The following CNOT1 variants were observed in gnomAD, a reference collection of about 807,000 sequenced individuals.
CNOT1 encodes CCR4-associated factor 1.
In CNOT1, 15 loss-of-function variants were observed where a neutral mutation model predicts 273.8. That is an observed-to-expected ratio of 0.05 (90% CI 0.04 to 0.08). The LOEUF is 0.08. CNOT1 is among the 10% of genes least tolerant of loss of function. CNOT1 has a pLI of 1.00. For missense variants in CNOT1, 1,644 were observed against 2,912.2 expected, an observed-to-expected ratio of 0.56 and a Z score of 10.02; for synonymous variants, 1,022 against 1,005.5, an observed-to-expected ratio of 1.02 and a Z score of -0.31.
At chr16:58,568,536 T>C (rs933744949) in intron 16 of CNOT1, among the ~76,000 whole-genome samples, 1 of 151,196 alleles carries the variant, frequency 6.6e-6, no homozygotes, top group African/African-American at 2.4e-5. Flanking sequence ...ATACAAAAAT[T>C]AGCCAGGCGT....
At chr16:58,603,408 A>AGTGTGTGTGTGTGTGT (rs200088613) in intron 1 of CNOT1, among the ~76,000 whole-genome samples, 6 of 96,650 alleles carry the variant, frequency 6.2e-5, no homozygotes, top group East Asian at 2.6e-4. Flanking sequence ...ACAATTTAAA[A>AGTGTGTGTGTGTGTGT]GTGTGTGTGT....
At position 58,551,146 on chromosome 16, in the gene CNOT1, T is replaced by G; in HGVS notation, c.3328A>C (p.Asn1110His). The G allele has an allele frequency of 6.2e-7, 1 of 1,607,062 alleles. No individual in the cohort carries two copies. Among genetic ancestry groups the G allele is most frequent in the Non-Finnish European group, 8.5e-7 (1 of 1,178,412 alleles). The change falls in exon 24 of 49, where the codon AAT becomes CAT. Residue 1110 changes from asparagine (N) to histidine (H), a missense_variant. Physicochemically the swap from Asn to His is moderately conservative, Grantham distance 68. This residue lies in a region of CNOT1 where 124 missense variants were observed against 289.3 expected (regional missense o/e 0.43). Transcript: ENST00000317147. ...AFIFNNLSQS[N>H]MTQKVEELKE... ...AGCATGCTCACCTTTTGTGTCATATTTGACTGTGAGAGATTATTGAAAATA... is the reference window on the plus strand; with the variant it reads ...AGCATGCTCACCTTTTGTGTCATATGTGACTGTGAGAGATTATTGAAAATA...
chr16:58,532,408 C>T lies in CNOT1; in HGVS notation c.5896-13G>A. The T allele has an allele frequency of 6.2e-7, 1 of 1,606,314 alleles. No homozygotes were observed. ...CTATACCAAGGACCTACGTAAAACACAAATCAGAGCTTGTAAATCATTCAG... is the reference window on the plus strand; with the variant it reads ...CTATACCAAGGACCTACGTAAAACATAAATCAGAGCTTGTAAATCATTCAG... On this transcript the variant is annotated splice_polypyrimidine_tract_variant and intron_variant, in intron 40 of 48. Coordinates refer to ENST00000317147, the MANE Select transcript of CNOT1 (RefSeq NM_016284.5).
rs1300266037 is a variant in CNOT1 at position 58,547,740 on chromosome 16, CTAAG to C, written c.3523-62_3523-59del. 6.6e-7 allele frequency: 1 copy of C among 1,521,670 alleles called. No individual in the cohort carries two copies. The highest frequency in any genetic ancestry group is 8.9e-7 in the Non-Finnish European group (1 of 1,122,576). The allele number at this position is 1,521,670 out of a possible 1,614,324, so 94.3% of individuals were successfully genotyped here. ...AATAAGCTTATGAAAGAAAACTCAA[CTAAG>C]TATTTGAGAATTCCATTATCCTATC... On this transcript the variant is annotated intron_variant, in intron 25 of 48. Transcript: ENST00000317147. The surrounding 1 kb of genome is among the most constrained non-coding windows in gnomAD (Gnocchi z 4.0).
intron 16 of CNOT1, among the ~76,000 whole-genome samples, chr16:58,562,637 C>A (rs1567408933): frequency 6.6e-6 from 1 of 151,782 alleles, no homozygotes; most frequent in African/African-American, 2.4e-5. Context: ...GCCTGGCCAA[C>A]ACAGTGAAAT....
chr16:58,616,697 T>C (rs927387676), intron 1 of CNOT1, among the ~76,000 whole-genome samples: 1 of 152,310 alleles, frequency 6.6e-6, no homozygotes, highest in African/African-American at 2.4e-5. Flanking sequence ...AATGACATGA[T>C]TATTTTATAT....
At chr16:58,541,761 C>T in intron 33 of CNOT1, 141 bp from the exon 34 acceptor site, 1 of 746,190 alleles carries the variant, frequency 1.3e-6, no homozygotes, top group Non-Finnish European at 2.2e-6. Context: ...AGCATGCACG[C>T]ACACACAAAT....
intron 1 of CNOT1, among the ~76,000 whole-genome samples, chr16:58,628,059 C>T (rs2043658797): frequency 6.6e-6 from 1 of 152,144 alleles, no homozygotes; most frequent in Non-Finnish European, 1.5e-5. Flanking sequence ...AACTCCTGAC[C>T]TCTGGTGATT....
intron 22 of CNOT1, 22 bp from the exon 23 acceptor site, chr16:58,551,841 A>T (rs779883646): frequency 1.2e-6 from 2 of 1,611,840 alleles, no homozygotes; most frequent in Non-Finnish European, 1.7e-6. Context: ...GGGAGAGGAA[A>T]AAGAGTTAAC....
Position 58,543,628 on chromosome 16 carries a change from G to A in CNOT1, c.4413C>T (p.Asn1471=), listed in dbSNP as rs755693068. 1 of 1,614,170 alleles carries A rather than the reference G, an allele frequency of 6.2e-7. No homozygotes were observed. Among genetic ancestry groups the A allele is most frequent in the East Asian group, 2.2e-5 (1 of 44,886 alleles). ...LLMSISTNLK[N]SFASALRTAS... is the part of the protein sequence containing the mutation. ...TTACACGAAGGGCTGAGGCAAAACTGTTTTTTAAGTTGGTAGATATGCTCA... is the reference window on the plus strand; with the variant it reads ...TTACACGAAGGGCTGAGGCAAAACTATTTTTTAAGTTGGTAGATATGCTCA... The change falls in exon 31 of 49, where the codon AAC becomes AAT. Residue 1471 remains asparagine (N), a synonymous_variant. Coordinates refer to ENST00000317147, the MANE Select transcript of CNOT1 (RefSeq NM_016284.5).
intron 2 of CNOT1, among the ~76,000 whole-genome samples, chr16:58,591,780 G>C (rs2151993556): frequency 6.6e-6 from 1 of 151,782 alleles, no homozygotes; most frequent in East Asian, 1.9e-4. Flanking sequence ...GTTAACTATG[G>C]GATACTCCAT....
intron 29 of CNOT1, among the ~76,000 whole-genome samples, 165 bp downstream of exon 29, chr16:58,546,156 C>G (rs2040251479): frequency 6.6e-6 from 1 of 152,080 alleles, no homozygotes; most frequent in South Asian, 2.1e-4. Context: ...AACACAAGGC[C>G]TAGTCATTAC....
At position 58,558,689 on chromosome 16, in the gene CNOT1, T is replaced by A. The variant is rs757090388; in HGVS notation, c.2131-15A>T. The A allele has an allele frequency of 6.2e-7, 1 of 1,608,304 alleles. No individual in the cohort carries two copies. The highest frequency in any genetic ancestry group is 8.5e-7 in the Non-Finnish European group (1 of 1,177,134). Reference sequence around the variant, plus strand: ...AGAGGGTCAATCTAAAGAAAAACATTATAAAAATGTATTAAACATACTTCG... The same window carrying A: ...AGAGGGTCAATCTAAAGAAAAACATAATAAAAATGTATTAAACATACTTCG... On this transcript the variant is annotated splice_polypyrimidine_tract_variant and intron_variant, in intron 17 of 48. Transcript: ENST00000317147.
intron 30 of CNOT1, among the ~76,000 whole-genome samples, chr16:58,544,501 T>C (rs924956660): frequency 3.9e-5 from 6 of 152,006 alleles, no homozygotes; most frequent in African/African-American, 1.4e-4. Flanking sequence ...ACTAAGAGTA[T>C]TCTAAAGATG....
intron 44 of CNOT1, among the ~76,000 whole-genome samples, chr16:58,527,160 T>C (rs1371503641): frequency 6.6e-6 from 1 of 152,130 alleles, no homozygotes; most frequent in East Asian, 1.9e-4. Flanking sequence ...AGGTTCCATA[T>C]CTAATTAACC....
chr16:58,601,389 G>A (rs367913823), intron 1 of CNOT1, among the ~76,000 whole-genome samples: 11 of 152,182 alleles, frequency 7.2e-5, no homozygotes, highest in African/African-American at 2.4e-4. Flanking sequence ...GAGCCACTGC[G>A]TCCAGCCACA....
At chr16:58,560,390 TATCA>T (rs771426925) in intron 16 of CNOT1, 28 bp from the exon 17 acceptor site, 6 of 1,609,954 alleles carry the variant, frequency 3.7e-6, no homozygotes, top group Non-Finnish European at 5.1e-6. Context: ...AGGTAAAAAA[TATCA>T]GTTCCTATTC....
chr16:58,529,805 C>T (rs1322783608), intron 43 of CNOT1, among the ~76,000 whole-genome samples: 2 of 79,470 alleles, frequency 2.5e-5, no homozygotes, highest in African/African-American at 3.8e-5. Context: ...CGCGCCACTG[C>T]ACTCCAGCCT....
At chr16:58,549,567 T>C in intron 25 of CNOT1, 152 bp downstream of exon 25, 1 of 1,240,632 alleles carries the variant, frequency 8.1e-7, no homozygotes. Context: ...GCATAAAATT[T>C]AGTTCCATAT....
Sources: allele counts gnomAD v4.1 joint callset (sites outside exome capture counted in the v4.1 genomes callset), GRCh38; gene constraint gnomAD v4.1.1; regional missense constraint gnomAD v4.1.1; non-coding constraint Gnocchi (gnomAD v3.1); transcripts MANE v1.5; gene names NCBI Gene and HGNC (gene_info 2026-07-23, HGNC 2026-07-21).